The following ANO9 variants were observed in gnomAD, a reference collection of about 807,000 sequenced individuals.
ANO9 encodes the protein anoctamin 9, also known as anoctamin-9.
ANO9 carries 80 observed loss-of-function variants against 100.5 expected under a neutral mutation model. The observed-to-expected ratio is 0.80, with a 90% CI of 0.66 to 0.96. The LOEUF (loss-of-function observed/expected upper bound fraction) is 0.96, where lower values mean the gene tolerates loss of function less well. Among genes scored for constraint, ANO9 ranks in the 40% least tolerant of loss-of-function variants. The probability of loss-of-function intolerance (pLI) is 0.00; values close to 1 mark genes in which losing one functional copy is unlikely to be tolerated. For missense variants in ANO9, 1,064 were observed against 1,072.7 expected (o/e 0.99, Z 0.11); for synonymous variants, 473 against 435.6 (o/e 1.09, Z -1.07).
intron 1 of ANO9, among the ~76,000 whole-genome samples, chr11:436,497 C>T (rs1220659540): frequency 2.6e-5 from 4 of 151,822 alleles, no homozygotes; most frequent in African/African-American, 7.3e-5. Flanking sequence ...CCGTCTCAAC[C>T]ACAGAAGCCA....
rs373207889 is a variant in ANO9, at chr11:430,069, C to T, written c.771+14G>A. 31 of 1,548,842 alleles carry T rather than the reference C, an allele frequency of 2.0e-5. No individual in the cohort carries two copies. The Middle Eastern group carries it at 7.3e-4, about 37-fold the overall frequency. On this transcript the variant is annotated intron_variant, in intron 9 of 22. Transcript: ENST00000332826. Reference sequence around the variant, plus strand: ...TCTTCCGCAGGCCCTGGGGTGGACCCGGAGGCGACAAACCTTGGCAAAAGT... The same window carrying T: ...TCTTCCGCAGGCCCTGGGGTGGACCTGGAGGCGACAAACCTTGGCAAAAGT...
intron 11 of ANO9, 52 bp downstream of exon 11, chr11:429,518 C>G: frequency 1.9e-6 from 3 of 1,603,940 alleles, no homozygotes; most frequent in Non-Finnish European, 2.5e-6. Context: ...GCATCGGGCG[C>G]CAACAGCCCC....
intron 1 of ANO9, among the ~76,000 whole-genome samples, chr11:436,565 G>A (rs977015754): frequency 4.0e-5 from 6 of 149,802 alleles, no homozygotes; most frequent in African/African-American, 7.4e-5. Context: ...GTTGGTCCAC[G>A]GCTAGTACCA....
chr11:431,690 T>C lies in ANO9; in HGVS notation c.539+4A>G, dbSNP rs1408134884. On this transcript the variant is annotated splice_donor_region_variant and intron_variant, in intron 7 of 22. Transcript: ENST00000332826. ...GTTCCTGTGCTCTCTTTGGGCAGCG[T>C]TACCTGATTTCATCAACTGGCTGCT... 6.2e-7 allele frequency: 1 copy of C among 1,612,212 alleles called. No homozygotes were observed. The highest frequency in any genetic ancestry group is 8.5e-7 in the Non-Finnish European group (1 of 1,179,430).
rs762799468 is a variant in ANO9 at position 428,383 on chromosome 11, G to A, written c.1197C>T (p.Cys399=). Residue 399 remains cysteine, a synonymous_variant, in exon 14 of 23, where the codon TGC becomes TGT. Coordinates refer to ENST00000332826, the MANE Select transcript of ANO9 (RefSeq NM_001012302.3). ...CGAAGTCACAAAGCTTCAGGGCCAC[G>A]CACCTGTTGATCTGCGGAGGAGGGC... is the stretch of plus-strand genomic sequence containing the variant. ...TIIIMTKINR[C]VALKLCDFEM... 8.2e-5 allele frequency: 132 copies of A among 1,612,512 alleles called. 2 individuals are homozygous for A. The East Asian group carries it at 2.7e-3, about 32-fold the overall frequency.
intron 20 of ANO9, chr11:419,368 A>G (rs1848037275): frequency 7.1e-7 from 1 of 1,416,200 alleles, no homozygotes; most frequent in Non-Finnish European, 9.2e-7. Context: ...CTTCACCCCC[A>G]ACTGCGGTCC....
rs1229167840 is a variant in ANO9 at position 434,010 on chromosome 11, C to T, written c.81+14G>A. The T allele has an allele frequency of 3.2e-6, 5 of 1,550,098 alleles. No homozygotes were observed. Among genetic ancestry groups the T allele is most frequent in the Non-Finnish European group, 4.4e-6 (5 of 1,146,982 alleles). ...GGGCCAGGTGGGGCCCGGGAGGGGC[C>T]CCCGGACACCCACCTCACAGGTGCT... On this transcript the variant is annotated intron_variant, in intron 2 of 22. Transcript: ENST00000332826.
Position 419,288 on chromosome 11 carries a change from C to T in ANO9, c.1934+294G>A. ...GAGAGCTGGATAAATCAGAAGAGGA[C>T]ATGCGGAACCTCACATCGGGAGGGA... On this transcript the variant is annotated intron_variant, in intron 20 of 22. Transcript: ENST00000332826. The T allele has an allele frequency of 2.1e-6, 3 of 1,411,290 alleles. No homozygotes were observed. In the South Asian group the frequency reaches 4.7e-5, roughly 22 times the overall value. The allele number at this position is 1,411,290 out of a possible 1,614,324, so 87.4% of individuals were successfully genotyped here. A position where few individuals can be genotyped will look rare whatever the true frequency, so the allele number is the denominator to read the frequency against.
Position 420,567 on chromosome 11 carries a change from G to T in ANO9, c.1682C>A (p.Ala561Glu), listed in dbSNP as rs774993188. The T allele has an allele frequency of 6.2e-7, 1 of 1,605,460 alleles. No homozygotes were observed. Among genetic ancestry groups the T allele is most frequent in the Non-Finnish European group, 8.5e-7 (1 of 1,179,562 alleles). The change falls in exon 19 of 23, where the codon GCG becomes GAG. Residue 561 changes from alanine (A) to glutamate (E), a missense_variant. By Grantham distance (107) the Ala-to-Glu change is moderately radical. Transcript: ENST00000332826. ...GTTGCTGAAGAGCGCGAGCAGCGGC[G>T]CCAGCGGGAAGGCGGCCACGAAGAT... Reference protein sequence around the residue: ...TTIFVAAFPLAPLLALFSNLV... With the variant: ...TTIFVAAFPLEPLLALFSNLV...
chr11:420,761 G>A lies in ANO9; in HGVS notation c.1590C>T (p.Asn530=), dbSNP rs1848127989. ...LRDWRRNYLL[N]PVNTFSLFDE... ...CGAACAGGCTGAAGGTGTTGACCGG[G>A]TTCAGAAGGTAGTTGCGCCGCCAGT... The change falls in exon 18 of 23, where the codon AAC becomes AAT. Residue 530 remains asparagine (N), a synonymous_variant. Coordinates refer to ENST00000332826, the MANE Select transcript of ANO9 (RefSeq NM_001012302.3). 15 of 1,605,694 alleles carry A rather than the reference G, an allele frequency of 9.3e-6. No individual in the cohort carries two copies. In the East Asian group the frequency reaches 2.9e-4, roughly 31 times the overall value.
intron 1 of ANO9, among the ~76,000 whole-genome samples, chr11:439,802 C>CTCCTCGGA (rs11281803): frequency 0.098 from 14,838 of 152,136 alleles, 2,495 homozygotes; most frequent in African/African-American, 0.34. Context: ...GCTGGCTCTG[C>CTCCTCGGA]GCTCCTGAAG....
In ANO9 at chr11:428,280, C is replaced by G. The variant is rs140412419; in HGVS notation, c.1222+78G>C. ...AGCAGGAAGGGTCCCCTCCCCTGCTCTCTGACCACAGCCCCAAGGCCCCAG... is the reference window on the plus strand; with the variant it reads ...AGCAGGAAGGGTCCCCTCCCCTGCTGTCTGACCACAGCCCCAAGGCCCCAG... On this transcript the variant is annotated intron_variant, in intron 14 of 22. Transcript: ENST00000332826. The G allele has an allele frequency of 1.0e-5, 16 of 1,607,498 alleles. No homozygotes were observed. In the East Asian group the frequency reaches 1.6e-4, roughly 16 times the overall value.
At chr11:431,156 T>G (rs1381483186) in intron 7 of ANO9, among the ~76,000 whole-genome samples, 1 of 23,414 alleles carries the variant, frequency 4.3e-5, no homozygotes, top group Non-Finnish European at 7.3e-5. Context: ...ATCTGGGGGC[T>G]TCCGCGGGGG....
Position 432,377 on chromosome 11 carries a change from A to G in ANO9, c.351-323T>C. ...ACCACACCTCCCACCTGCGGGCCCC[A>G]TGTGTCCAGAGCACACCCCAGCCTG... On this transcript the variant is annotated intron_variant, in intron 4 of 22. Coordinates refer to ENST00000332826, the MANE Select transcript of ANO9 (RefSeq NM_001012302.3). The surrounding 1 kb of genome is among the most constrained non-coding windows in gnomAD (Gnocchi z 4.8). 1 of 426,470 alleles carries G rather than the reference A, an allele frequency of 2.3e-6. No individual in the cohort carries two copies. The highest frequency in any genetic ancestry group is 4.4e-6 in the Non-Finnish European group (1 of 229,128). 26.4% of individuals were successfully genotyped at this position (426,470 alleles called of 1,614,324 possible).
In ANO9 at chr11:433,465, G is replaced by A. The variant is rs939794977; in HGVS notation, c.205-6C>T. On this transcript the variant is annotated splice_region_variant and splice_polypyrimidine_tract_variant and intron_variant, in intron 3 of 22. Coordinates refer to ENST00000332826, the MANE Select transcript of ANO9 (RefSeq NM_001012302.3). ...TGTTTCTGGTCCCGGATCACCTGGG[G>A]GCACATGGGATCCTCTATCCCACCT... is the stretch of plus-strand genomic sequence containing the variant. The A allele has an allele frequency of 1.1e-5, 18 of 1,612,248 alleles. No individual in the cohort carries two copies. Among genetic ancestry groups the A allele is most frequent in the Non-Finnish European group, 1.4e-5 (17 of 1,179,636 alleles).
At chr11:418,840 G>T in intron 21 of ANO9, 27 bp from the exon 22 acceptor site, 1 of 1,613,570 alleles carries the variant, frequency 6.2e-7, no homozygotes, top group Middle Eastern at 1.7e-4. Flanking sequence ...CCTGAGGTCA[G>T]GGGTCAGGAG....
Position 418,769 on chromosome 11 carries a change from T to C in ANO9, c.2081A>G (p.Gln694Arg). 1 of 1,613,098 alleles carries C rather than the reference T, an allele frequency of 6.2e-7. No homozygotes were observed. Among genetic ancestry groups the C allele is most frequent in the Non-Finnish European group, 8.5e-7 (1 of 1,179,996 alleles). The change falls in exon 22 of 23, where the codon CAG (glutamine) becomes CGG (arginine). Residue 694 changes from glutamine to arginine, a missense_variant. Gln to Arg is a conservative substitution (Grantham distance 43). Transcript: ENST00000332826. Reference protein sequence around the residue: ...RNPPDYNFSEQFWFLLAIRLA... With the variant: ...RNPPDYNFSERFWFLLAIRLA... ...GCGGATGGCCAGGAGGAACCAGAAC[T>C]GCTCGGAGAAGTTGTAATCGGGGGG...
At position 418,456 on chromosome 11, in the gene ANO9, C is replaced by T; in HGVS notation, c.2264G>A (p.Gly755Asp). The change falls in exon 23 of 23, where the codon GGT becomes GAT. Residue 755 changes from glycine to aspartate, a missense_variant. By Grantham distance (94) the Gly-to-Asp change is moderately conservative. Transcript: ENST00000332826. ...EKMWHGRQRLGGVGAGSRPPM... is the reference protein window; with the variant it reads ...EKMWHGRQRLDGVGAGSRPPM... ...GGGCCGAGAGCCTGCCCCCACCCCA[C>T]CCAGCCTCTGCCTTCCATGCCACAT... is the stretch of plus-strand genomic sequence containing the variant. 6.2e-7 allele frequency: 1 copy of T among 1,612,898 alleles called. No individual in the cohort carries two copies. Among genetic ancestry groups the T allele is most frequent in the Non-Finnish European group, 8.5e-7 (1 of 1,179,972 alleles).
Position 431,843 on chromosome 11 carries a change from C to A in ANO9, c.465+5G>T, listed in dbSNP as rs774455481. 1 of 1,611,310 alleles carries A rather than the reference C, an allele frequency of 6.2e-7. No homozygotes were observed. The highest frequency in any genetic ancestry group is 1.7e-5 in the Admixed American group (1 of 59,918). ...GGGCCCTCTCCAGGCCAGCCCACCC[C>A]TCACCTTGTGCAGGGGGAACCTGGC... is the stretch of plus-strand genomic sequence containing the variant. On this transcript the variant is annotated splice_donor_5th_base_variant and intron_variant, in intron 6 of 22. Coordinates refer to ENST00000332826, the MANE Select transcript of ANO9 (RefSeq NM_001012302.3).
Sources: gnomAD v4.1 joint callset for allele counts (sites outside exome capture counted in the v4.1 genomes callset) on GRCh38, gnomAD v4.1.1 for gene constraint, Gnocchi (gnomAD v3.1) non-coding constraint, MANE v1.5 for transcripts, NCBI Gene and HGNC (gene_info 2026-07-23, HGNC 2026-07-21) for gene names.